The following DHRSX variants were observed in gnomAD, a reference collection of about 807,000 sequenced individuals.
The protein encoded by DHRSX is polyprenol dehydrogenase.
A neutral mutation model predicts 34.0 loss-of-function variants in DHRSX; 31 were observed. That is an observed-to-expected ratio of 0.91 (90% CI 0.69 to 1.23). The LOEUF is 1.23. Ranked by LOEUF, DHRSX falls within the 50% of genes most tolerant of loss-of-function variation. The pLI is 0.00. For missense variants in DHRSX, 414 were observed against 428.1 expected (o/e 0.97, Z 0.29); for synonymous variants, 201 against 183.8 (o/e 1.09, Z -0.76).
chrX:2,346,720 T>C (rs73630282), intron 3 of DHRSX, among the ~76,000 whole-genome samples: 5 of 151,872 alleles, frequency 3.3e-5, no homozygotes, highest in Admixed American at 6.6e-5. Flanking sequence ...TACATAGGTA[T>C]CCATGTGCCA....
At chrX:2,369,268 A>G (rs1302042556) in intron 3 of DHRSX, among the ~76,000 whole-genome samples, 2 of 152,230 alleles carry the variant, frequency 1.3e-5, no homozygotes, top group East Asian at 3.8e-4. Context: ...TGATACCAAC[A>G]TCAGAACTGG....
At chrX:2,500,701 T>A in intron 1 of DHRSX, 116 bp downstream of exon 1, 2 of 47,286 alleles carry the variant, frequency 4.2e-5, no homozygotes, top group Non-Finnish European at 6.5e-5. Context: ...CCAGCCCCAC[T>A]TCCGGGAGCG....
intron 3 of DHRSX, among the ~76,000 whole-genome samples, chrX:2,361,890 T>C (rs2042938515): frequency 6.6e-6 from 1 of 152,232 alleles, no homozygotes; most frequent in Non-Finnish European, 1.5e-5. Flanking sequence ...CATTTTCTTT[T>C]CTTCAAAAAT....
At chrX:2,346,015 C>G (rs2042705127) in intron 3 of DHRSX, among the ~76,000 whole-genome samples, 1 of 152,122 alleles carries the variant, frequency 6.6e-6, no homozygotes, top group Non-Finnish European at 1.5e-5. Flanking sequence ...TCTGCGGCAC[C>G]CACCTCCCGT....
intron 1 of DHRSX, among the ~76,000 whole-genome samples, chrX:2,443,154 T>C (rs1840500730): frequency 6.6e-6 from 1 of 152,080 alleles, no homozygotes; most frequent in Non-Finnish European, 1.5e-5. Context: ...CACCTCAGCC[T>C]CCAAAGTAGC....
intron 1 of DHRSX, among the ~76,000 whole-genome samples, chrX:2,474,483 A>T (rs1313166806): frequency 6.6e-6 from 1 of 150,838 alleles, no homozygotes; most frequent in Non-Finnish European, 1.5e-5. Flanking sequence ...GGCACTGAAG[A>T]CGCTCCCTAA....
At chrX:2,316,412 C>A (rs1335665292) in intron 3 of DHRSX, among the ~76,000 whole-genome samples, 1 of 152,128 alleles carries the variant, frequency 6.6e-6, no homozygotes, top group Non-Finnish European at 1.5e-5. Flanking sequence ...ATTAGCCAGG[C>A]ATGGTAGTGG....
At chrX:2,319,479 G>T (rs1481232545) in intron 3 of DHRSX, among the ~76,000 whole-genome samples, 1 of 145,010 alleles carries the variant, frequency 6.9e-6, no homozygotes, top group Non-Finnish European at 1.5e-5. Context: ...GGAGACGGAG[G>T]TTGCAGTGAG....
chrX:2,499,378 CTG>C (rs993183673), intron 1 of DHRSX, among the ~76,000 whole-genome samples: 10 of 150,666 alleles, frequency 6.6e-5, no homozygotes, highest in African/African-American at 2.4e-4. Context: ...TTTTGGAAAA[CTG>C]TTATTTTTGA....
At chrX:2,388,758 A>C (rs2043300959) in intron 3 of DHRSX, among the ~76,000 whole-genome samples, 2 of 151,766 alleles carry the variant, frequency 1.3e-5, no homozygotes, top group Admixed American at 1.3e-4. Context: ...CCTCAGGAGG[A>C]ATCAGCCTTG....
rs184893886 is a variant in DHRSX at position 2,425,279 on chromosome X, G to C, written c.135C>G (p.Val45=). 2.5e-6 allele frequency: 4 copies of C among 1,613,702 alleles called. No individual in the cohort carries two copies. Among genetic ancestry groups the C allele is most frequent in the Admixed American group, 3.3e-5 (2 of 59,968 alleles). ...CATCTGTCCCTCCCGTCACTATAGC[G>C]ACACGGTCAGGTCGTGGGGGGAAAA... ...EPVFPPRPDR[V]AIVTGGTDGI... is the part of the protein sequence containing the mutation. Residue 45 remains valine, a synonymous_variant, in exon 2 of 7, where the codon GTC becomes GTG. Transcript: ENST00000334651.
At chrX:2,282,599 GGA>G (rs763630054) in intron 4 of DHRSX, among the ~76,000 whole-genome samples, 110 of 109,082 alleles carry the variant, frequency 1.0e-3, no homozygotes, top group African/African-American at 3.4e-3. Context: ...AAGAAAGAGG[GGA>G]GAGAGAAGAA....
intron 4 of DHRSX, among the ~76,000 whole-genome samples, chrX:2,286,896 G>A (rs2041810894): frequency 6.6e-6 from 1 of 152,142 alleles, no homozygotes; most frequent in Admixed American, 6.5e-5. Flanking sequence ...GTAACAAATG[G>A]ATTCTCATTA....
intron 3 of DHRSX, among the ~76,000 whole-genome samples, chrX:2,316,516 C>T (rs2042243199): frequency 2.0e-5 from 3 of 152,062 alleles, no homozygotes; most frequent in Admixed American, 6.6e-5. Flanking sequence ...TGCACCACTG[C>T]ACTCCAGCCT....
chrX:2,427,183 T>C (rs186058364), intron 1 of DHRSX, among the ~76,000 whole-genome samples: 1 of 152,248 alleles, frequency 6.6e-6, no homozygotes, highest in African/African-American at 2.4e-5. Context: ...CCTGAGCTGA[T>C]GTTGTGACGG....
Position 2,378,431 on chromosome X carries a change from G to A in DHRSX, c.286+30314C>T, listed in dbSNP as rs183215404. On this transcript the variant is annotated intron_variant, in intron 3 of 6. Coordinates refer to ENST00000334651, the MANE Select transcript of DHRSX (RefSeq NM_145177.3). ...GGATTTTCTTCTGCCTCTGCCACCCGAGACACCCCCTTCTCTTCCTCCTCC... is the reference window on the plus strand; with the variant it reads ...GGATTTTCTTCTGCCTCTGCCACCCAAGACACCCCCTTCTCTTCCTCCTCC... Among the ~76,000 whole-genome samples the A allele has an allele frequency of 5.9e-3, 894 of 152,174 alleles. 31 individuals carry two copies. In the East Asian group the frequency reaches 0.093, roughly 16 times the overall value.
intron 3 of DHRSX, among the ~76,000 whole-genome samples, chrX:2,396,216 G>T (rs187945670): frequency 2.8e-4 from 43 of 152,156 alleles, no homozygotes; most frequent in Non-Finnish European, 1.8e-4. Context: ...CCCTAATCCA[G>T]AATGATCTCA....
At chrX:2,418,162 T>G (rs1379096708) in intron 2 of DHRSX, among the ~76,000 whole-genome samples, 1 of 152,158 alleles carries the variant, frequency 6.6e-6, no homozygotes, top group East Asian at 1.9e-4. Context: ...GATCTCATCA[T>G]GCTGTTACTG....
intron 2 of DHRSX, among the ~76,000 whole-genome samples, chrX:2,416,942 T>C (rs28736853): frequency 0.32 from 49,344 of 152,030 alleles, 9,560 homozygotes; most frequent in East Asian, 0.65. Context: ...TGTTCAATGA[T>C]ATTTTTTCAT....
Sources: allele counts gnomAD v4.1 joint callset (sites outside exome capture counted in the v4.1 genomes callset), GRCh38; gene constraint gnomAD v4.1.1; transcripts MANE v1.5; gene names NCBI Gene and HGNC (gene_info 2026-07-23, HGNC 2026-07-21).